Variants in CYB5B observed in about 807,000 individuals in gnomAD.
CYB5B encodes cytochrome b5 type B.
CYB5B carries 14 observed loss-of-function variants against 21.3 expected under a neutral mutation model. The ratio of observed to expected loss-of-function variants is 0.66; its 90% CI spans 0.43 to 1.03. The LOEUF is 1.03. Among genes scored for constraint, CYB5B ranks in the 50% least tolerant of loss-of-function variants. The pLI is 0.00. For synonymous variants in CYB5B, 69 were observed against 68.4 expected, an observed-to-expected ratio of 1.01 and a Z score of -0.04; for missense variants, 166 against 185.1, an observed-to-expected ratio of 0.90 and a Z score of 0.60.
intron 3 of CYB5B, chr16:69,449,618 A>G (rs1326695695): frequency 1.3e-5 from 2 of 152,224 alleles, no homozygotes; most frequent in Non-Finnish European, 2.9e-5. Flanking sequence ...ATGTAGAACA[A>G]TGTTCCCCAA....
At chr16:69,425,325 A>G (rs2014632238) in intron 1 of CYB5B, among the ~76,000 whole-genome samples, 1 of 146,172 alleles carries the variant, frequency 6.8e-6, no homozygotes, top group South Asian at 2.2e-4. Flanking sequence ...TTCTCTCCAC[A>G]CGCTTCCCCA....
rs2015071757 is a variant in CYB5B at position 69,464,800 on chromosome 16, A to G, written c.*2280A>G. On this transcript the variant is annotated 3_prime_UTR_variant, in exon 5 of 5. Transcript: ENST00000307892. Reference sequence around the variant, plus strand: ...TGTTTTTTGCTGAGAGCCAGAGGAAAAGATAATTAGACTTTGTCTCTTCCA... The same window carrying G: ...TGTTTTTTGCTGAGAGCCAGAGGAAGAGATAATTAGACTTTGTCTCTTCCA... 1.3e-5 allele frequency: 2 copies of G among 152,760 alleles called. No homozygotes were observed. The highest frequency in any genetic ancestry group is 4.1e-4 in the South Asian group (2 of 4,826). The allele number at this position is 152,760 out of a possible 1,614,324, so 9.5% of individuals were successfully genotyped here. A position where few individuals can be genotyped will look rare whatever the true frequency, so the allele number is the denominator to read the frequency against.
chr16:69,450,448 TGGC>T, intron 3 of CYB5B, among the ~76,000 whole-genome samples: 1 of 152,200 alleles, frequency 6.6e-6, no homozygotes, highest in Non-Finnish European at 1.5e-5. Flanking sequence ...GTAGAGAGTC[TGGC>T]TATTGTGTTT....
chr16:69,450,980 T>C (rs955890781), intron 3 of CYB5B, among the ~76,000 whole-genome samples: 2 of 152,200 alleles, frequency 1.3e-5, no homozygotes, highest in Non-Finnish European at 2.9e-5. Context: ...CATATTACTT[T>C]TATAACACAG....
chr16:69,452,108 A>G (rs1248603269), intron 3 of CYB5B, among the ~76,000 whole-genome samples: 1 of 151,252 alleles, frequency 6.6e-6, no homozygotes, highest in African/African-American at 2.4e-5. Flanking sequence ...ACCAACCATC[A>G]TTTCCTTTAA....
intron 3 of CYB5B, among the ~76,000 whole-genome samples, chr16:69,456,187 T>C (rs943247616): frequency 2.0e-5 from 3 of 152,180 alleles, no homozygotes; most frequent in African/African-American, 7.2e-5. Flanking sequence ...TCCTCCAGGC[T>C]GGAGTACAGT....
At chr16:69,450,219 C>CAAAAAAAA in intron 3 of CYB5B, 1 of 85,476 alleles carries the variant, frequency 1.2e-5, no homozygotes, top group East Asian at 4.7e-4. Context: ...GACCCCATCT[C>CAAAAAAAA]AAAAAAAAAA....
chr16:69,462,016 G>A (rs2015040040), intron 4 of CYB5B, among the ~76,000 whole-genome samples: 1 of 152,142 alleles, frequency 6.6e-6, no homozygotes, highest in African/African-American at 2.4e-5. Context: ...GGATGGATAT[G>A]TTTTTATACA....
chr16:69,452,559 A>G (rs1364209773), intron 3 of CYB5B, among the ~76,000 whole-genome samples: 1 of 152,102 alleles, frequency 6.6e-6, no homozygotes, highest in African/African-American at 2.4e-5. Context: ...TGTCCCAGCT[A>G]CATGGGAGGA....
chr16:69,445,761 C>T (rs535171146), intron 1 of CYB5B, among the ~76,000 whole-genome samples: 4 of 151,840 alleles, frequency 2.6e-5, no homozygotes, highest in Admixed American at 1.3e-4. Context: ...ATTGGGAGTT[C>T]GAGACCAACA....
At chr16:69,431,209 G>A (rs192996396) in intron 1 of CYB5B, among the ~76,000 whole-genome samples, 3 of 150,934 alleles carry the variant, frequency 2.0e-5, no homozygotes, top group South Asian at 2.1e-4. Flanking sequence ...GGCTGGTCTC[G>A]AACTCCTGAC....
intron 1 of CYB5B, among the ~76,000 whole-genome samples, chr16:69,442,142 T>C (rs887163593): frequency 5.1e-5 from 2 of 39,388 alleles, no homozygotes; most frequent in African/African-American, 2.8e-4. Context: ...GGTGCTTGGA[T>C]CTCAAAATAG....
At chr16:69,452,694 CATT>C in intron 3 of CYB5B, among the ~76,000 whole-genome samples, 1 of 151,324 alleles carries the variant, frequency 6.6e-6, no homozygotes, top group East Asian at 2.0e-4. Context: ...TTTTATTCAT[CATT>C]ATTTCTTGTC....
intron 3 of CYB5B, among the ~76,000 whole-genome samples, chr16:69,456,211 C>T (rs2014982857): frequency 6.6e-6 from 1 of 152,092 alleles, no homozygotes. Flanking sequence ...ACAATCCTAG[C>T]TCACTATAGC....
intron 1 of CYB5B, among the ~76,000 whole-genome samples, chr16:69,426,164 C>T (rs1339057854): frequency 6.6e-6 from 1 of 152,060 alleles, no homozygotes; most frequent in Non-Finnish European, 1.5e-5. Context: ...CTTTGAGAGG[C>T]CGAGACGGGC....
chr16:69,439,025 T>C (rs1411093511), intron 1 of CYB5B, among the ~76,000 whole-genome samples: 1 of 152,216 alleles, frequency 6.6e-6, no homozygotes, highest in African/African-American at 2.4e-5. Context: ...GAATCCATTG[T>C]CAATCTCAAG....
chr16:69,438,377 G>A (rs187298373), intron 1 of CYB5B, among the ~76,000 whole-genome samples: 2 of 152,316 alleles, frequency 1.3e-5, no homozygotes, highest in African/African-American at 4.8e-5. Flanking sequence ...AAGTATCTGT[G>A]TGAATCTGTT....
At position 69,447,146 on chromosome 16, in the gene CYB5B, G is replaced by T. The variant is rs1390587893; in HGVS notation, c.175-4G>T. The T allele has an allele frequency of 1.2e-6, 2 of 1,613,402 alleles. No individual in the cohort carries two copies. Among genetic ancestry groups the T allele is most frequent in the African/African-American group, 2.7e-5 (2 of 74,892 alleles). ...TCGGTTCAGTAAATATCTTTTCCTT[G>T]TAGCACCCTGGAGGAGAAGAGGTTC... On this transcript the variant is annotated splice_polypyrimidine_tract_variant and splice_region_variant and intron_variant, in intron 1 of 4. Transcript: ENST00000307892.
chr16:69,430,908 G>A (rs1051082569), intron 1 of CYB5B, among the ~76,000 whole-genome samples: 3 of 150,720 alleles, frequency 2.0e-5, no homozygotes, highest in African/African-American at 7.3e-5. Flanking sequence ...CCTGACCTCC[G>A]GTGATTCACC....
Sources: allele counts gnomAD v4.1 joint callset (sites outside exome capture counted in the v4.1 genomes callset), GRCh38; gene constraint gnomAD v4.1.1; transcripts MANE v1.5; gene names NCBI Gene and HGNC (gene_info 2026-07-23, HGNC 2026-07-21).